The following TNFAIP8 variants were observed in gnomAD, a reference collection of about 807,000 sequenced individuals.
TNFAIP8 encodes the protein TNF alpha induced protein 8.
TNFAIP8 carries 7 observed loss-of-function variants against 13.3 expected under a neutral mutation model. That is an observed-to-expected ratio of 0.52 (90% confidence interval 0.30 to 0.99). The LOEUF (loss-of-function observed/expected upper bound fraction) is 0.99, where lower values mean the gene tolerates loss of function less well. Ranked by LOEUF, TNFAIP8 falls within the 50% of genes least tolerant of loss-of-function variation. The probability of loss-of-function intolerance (pLI) is 0.07; values close to 1 mark genes in which losing one functional copy is unlikely to be tolerated. For missense variants in TNFAIP8, 258 were observed against 236.9 expected (o/e 1.09, Z -0.58); for synonymous variants, 94 against 87.6 (o/e 1.07, Z -0.41).
intron 1 of TNFAIP8, among the ~76,000 whole-genome samples, chr5:119,299,914 A>C (rs1268064893): frequency 2.0e-5 from 3 of 152,244 alleles, no homozygotes; most frequent in Non-Finnish European, 2.9e-5. Flanking sequence ...CCTCTGAGTC[A>C]GGTGCGGGTT....
At chr5:119,276,301 A>G (rs570585460) in intron 1 of TNFAIP8, among the ~76,000 whole-genome samples, 45 of 152,162 alleles carry the variant, frequency 3.0e-4, no homozygotes, top group Non-Finnish European at 5.9e-4. Context: ...TATTTTTAGT[A>G]GAGACAGGGT....
chr5:119,377,500 G>A (rs1391427176), intron 1 of TNFAIP8, among the ~76,000 whole-genome samples: 2 of 127,870 alleles, frequency 1.6e-5, no homozygotes, highest in Non-Finnish European at 3.5e-5. Context: ...ACTGTGTAGA[G>A]CTCCAAACTG....
chr5:119,331,547 C>G (rs571815895), intron 1 of TNFAIP8, among the ~76,000 whole-genome samples: 1 of 152,280 alleles, frequency 6.6e-6, no homozygotes, highest in African/African-American at 2.4e-5. Flanking sequence ...GAGTTTCCTG[C>G]TGGGTGTAGA....
At chr5:119,335,308 G>A (rs1434789534) in intron 1 of TNFAIP8, among the ~76,000 whole-genome samples, 1 of 152,170 alleles carries the variant, frequency 6.6e-6, no homozygotes, top group Non-Finnish European at 1.5e-5. Flanking sequence ...GAGGAGGTGA[G>A]TGCTCTCCCC....
intron 1 of TNFAIP8, among the ~76,000 whole-genome samples, chr5:119,367,145 T>C (rs770056546): frequency 2.0e-5 from 3 of 152,240 alleles, no homozygotes; most frequent in Non-Finnish European, 4.4e-5. Flanking sequence ...GATGAGTTCT[T>C]AATGTAACAT....
rs140871630 is a variant in TNFAIP8, at chr5:119,348,070, C to T, written c.2-44746C>T. 3.3e-4 allele frequency among the ~76,000 whole-genome samples: 50 copies of T among 152,292 alleles called. 1 individual carries two copies. The highest frequency in any genetic ancestry group is 1.1e-3 in the African/African-American group (44 of 41,556). ...AATAAAGCTCTTAACTGCTCAAATA[C>T]AGTCAAGTAGGGCCCCTTACTCAAC... On this transcript the variant is annotated intron_variant, in intron 1 of 1. Transcript: ENST00000274456.
intron 1 of TNFAIP8, among the ~76,000 whole-genome samples, chr5:119,360,924 G>T (rs1751610099): frequency 6.6e-6 from 1 of 152,232 alleles, no homozygotes; most frequent in Non-Finnish European, 1.5e-5. Flanking sequence ...TTAGATCCCG[G>T]ATTTTGAAAG....
At chr5:119,355,714 C>G (rs1562015411), upstream of TNFAIP8, 1 of 264,568 alleles carries the variant, frequency 3.8e-6, no homozygotes, top group African/African-American at 2.2e-5. Flanking sequence ...TTCCGCCCGT[C>G]TGGTGCGTTT....
intron 1 of TNFAIP8, among the ~76,000 whole-genome samples, chr5:119,295,174 GGTCTAACGTTTA>G (rs1749129517): frequency 5.4e-5 from 2 of 36,844 alleles, no homozygotes; most frequent in Admixed American, 2.7e-4. Context: ...TATGGTTTTA[GGTCTAACGTTTA>G]GTCTAACGTT....
chr5:119,381,154 G>A (rs565528165), intron 1 of TNFAIP8, among the ~76,000 whole-genome samples: 4 of 152,298 alleles, frequency 2.6e-5, no homozygotes, highest in South Asian at 2.1e-4. Flanking sequence ...AGAGGCCTCC[G>A]GCGCTTCTGT....
chr5:119,371,904 G>T (rs748120964), intron 1 of TNFAIP8, among the ~76,000 whole-genome samples: 1 of 152,012 alleles, frequency 6.6e-6, no homozygotes, highest in Non-Finnish European at 1.5e-5. Context: ...TTGGGAGGCC[G>T]AAGCGGGCAG....
chr5:119,289,236 C>T (rs1267058365), intron 1 of TNFAIP8, among the ~76,000 whole-genome samples: 2 of 152,106 alleles, frequency 1.3e-5, no homozygotes, highest in Non-Finnish European at 2.9e-5. Flanking sequence ...ACTTGTGTTC[C>T]CAATAGTGTG....
chr5:119,309,055 C>T (rs905068744), intron 1 of TNFAIP8, among the ~76,000 whole-genome samples: 1 of 152,130 alleles, frequency 6.6e-6, no homozygotes, highest in Non-Finnish European at 1.5e-5. Context: ...TTGAAGGAGA[C>T]AGTTATTTAC....
At chr5:119,359,211 A>G (rs1751545981) in intron 1 of TNFAIP8, among the ~76,000 whole-genome samples, 1 of 152,140 alleles carries the variant, frequency 6.6e-6, no homozygotes, top group Non-Finnish European at 1.5e-5. Context: ...TCTTTTCTGC[A>G]TATAGAAGAA....
intron 1 of TNFAIP8, among the ~76,000 whole-genome samples, chr5:119,309,453 G>A (rs1173793917): frequency 6.6e-6 from 1 of 152,096 alleles, no homozygotes; most frequent in Non-Finnish European, 1.5e-5. Context: ...CTTGTCACAG[G>A]GGCAGCTGCC....
At chr5:119,315,304 GA>G (rs2112678634) in intron 1 of TNFAIP8, among the ~76,000 whole-genome samples, 1 of 152,220 alleles carries the variant, frequency 6.6e-6, no homozygotes, top group East Asian at 1.9e-4. Context: ...GGCTGGTCTT[GA>G]ACCCCTGACC....
At chr5:119,356,211 T>A in intron 1 of TNFAIP8, 90 bp downstream of exon 1, 1 of 1,226,208 alleles carries the variant, frequency 8.2e-7, no homozygotes, top group South Asian at 1.4e-5. Flanking sequence ...AGTTTTAAAG[T>A]GAGCGGTGGG....
Position 119,306,548 on chromosome 5 carries a change from G to A in TNFAIP8, c.1+37641G>A, listed in dbSNP as rs534506383. 3 of 152,204 alleles carry A rather than the reference G, an allele frequency of 2.0e-5. No homozygotes were observed. In the South Asian group the frequency reaches 6.2e-4, roughly 32 times the overall value. The allele number at this position is 152,204 out of a possible 1,614,324, so 9.4% of individuals were successfully genotyped here. On this transcript the variant is annotated intron_variant, in intron 1 of 1. Coordinates refer to the TNFAIP8 transcript ENST00000274456. ...AGTGTGGACGCCTGATCGTCATACA[G>A]CCCAGAACTTCTGGGCTCAAGCGAT...
chr5:119,344,734 AG>A (rs1750845600), intron 1 of TNFAIP8, among the ~76,000 whole-genome samples: 1 of 152,370 alleles, frequency 6.6e-6, no homozygotes, highest in Admixed American at 6.5e-5. Flanking sequence ...AGGCCAATCC[AG>A]GAAACATTTT....
Sources: gnomAD v4.1 joint callset for allele counts (sites outside exome capture counted in the v4.1 genomes callset) on GRCh38, gnomAD v4.1.1 for gene constraint, MANE v1.5 for transcripts, NCBI Gene and HGNC (gene_info 2026-07-23, HGNC 2026-07-21) for gene names.